PRDM16: variants seen among roughly 807,000 people sequenced by gnomAD.
The protein encoded by PRDM16 is PR/SET domain 16.
A neutral mutation model predicts 110.6 loss-of-function variants in PRDM16; 23 were observed. The observed-to-expected ratio is 0.21, with a 90% CI of 0.15 to 0.29. PRDM16 has a LOEUF of 0.29. Among genes scored for constraint, PRDM16 ranks in the 10% least tolerant of loss-of-function variants. The pLI, the probability that PRDM16 is intolerant of heterozygous loss-of-function variation, is 1.00. For missense variants in PRDM16, 1,615 were observed against 1,794.3 expected (o/e 0.90, Z 1.81); for synonymous variants, 799 against 781.8 (o/e 1.02, Z -0.37).
At chr1:3,408,477 C>CGTGTGAGA (rs1643598195) in intron 8 of PRDM16, among the ~76,000 whole-genome samples, 1 of 152,068 alleles carries the variant, frequency 6.6e-6, no homozygotes. Flanking sequence ...TAAGTATGCA[C>CGTGTGAGA]GTGTGAGAGT....
At chr1:3,383,174 C>T (rs551629539) in intron 3 of PRDM16, among the ~76,000 whole-genome samples, 16 of 152,342 alleles carry the variant, frequency 1.1e-4, no homozygotes, top group Admixed American at 7.2e-4. Flanking sequence ...GGGAGCATTT[C>T]TGCCGCTGCC....
At position 3,081,423 on chromosome 1, in the gene PRDM16, G is replaced by A. The variant is rs1032082957; in HGVS notation, c.37+12127G>A. 2.6e-5 allele frequency among the ~76,000 whole-genome samples: 4 copies of A among 152,180 alleles called. No individual in the cohort carries two copies. The highest frequency in any genetic ancestry group is 5.9e-5 in the Non-Finnish European group (4 of 68,028). ...CCCATTCCTGCAGCCTGGCCCGGCC[G>A]GCCCCTGGAGAGCCCCCTCCTTGTC... On this transcript the variant is annotated intron_variant, in intron 1 of 16. Transcript: ENST00000270722. The surrounding 1 kb of genome is among the most constrained non-coding windows in gnomAD (Gnocchi z 4.6).
At chr1:3,136,681 C>T (rs1056675068) in intron 1 of PRDM16, among the ~76,000 whole-genome samples, 4 of 152,104 alleles carry the variant, frequency 2.6e-5, no homozygotes, top group Admixed American at 1.3e-4. Flanking sequence ...GTGGGCTTAT[C>T]AGGCATCTCC....
At chr1:3,387,768 C>T (rs558734884) in intron 4 of PRDM16, among the ~76,000 whole-genome samples, 1 of 152,364 alleles carries the variant, frequency 6.6e-6, no homozygotes. Context: ...TTTCAGTTAT[C>T]AAACGAAAAT....
chr1:3,082,473 T>A (rs1363025625), intron 1 of PRDM16, among the ~76,000 whole-genome samples: 1 of 152,162 alleles, frequency 6.6e-6, no homozygotes, highest in African/African-American at 2.4e-5. Context: ...TGGGGACCAT[T>A]CCCAAGGAGC....
chr1:3,409,990 G>T (rs1173890953), intron 8 of PRDM16, among the ~76,000 whole-genome samples: 4 of 107,700 alleles, frequency 3.7e-5, no homozygotes, highest in Admixed American at 9.6e-5. Flanking sequence ...TGCATGGGGG[G>T]GTGTGGGGGG....
chr1:3,342,737 G>A (rs1010459807), intron 3 of PRDM16, among the ~76,000 whole-genome samples: 8 of 152,172 alleles, frequency 5.3e-5, no homozygotes, highest in Non-Finnish European at 8.8e-5. Flanking sequence ...AGACATCCAC[G>A]CATAAGGCAC....
At chr1:3,163,767 T>C (rs889920879) in intron 1 of PRDM16, among the ~76,000 whole-genome samples, 3 of 152,200 alleles carry the variant, frequency 2.0e-5, no homozygotes, top group Non-Finnish European at 4.4e-5. Context: ...TGTCATATTC[T>C]ACCCCGTGCG....
At chr1:3,257,817 T>C (rs1640084146) in intron 3 of PRDM16, among the ~76,000 whole-genome samples, 1 of 152,194 alleles carries the variant, frequency 6.6e-6, no homozygotes, top group African/African-American at 2.4e-5. Context: ...GGAGGGCTGA[T>C]TCACTGTGAT....
At chr1:3,298,645 G>T (rs1466285348) in intron 3 of PRDM16, among the ~76,000 whole-genome samples, 1 of 152,124 alleles carries the variant, frequency 6.6e-6, no homozygotes, top group East Asian at 1.9e-4. Flanking sequence ...TAGCTAAAGA[G>T]ACTCTCCTGC....
Position 3,412,074 on chromosome 1 carries a change from A to T in PRDM16, c.1877A>T (p.Asp626Val), listed in dbSNP as rs876657958. 6.2e-6 allele frequency: 10 copies of T among 1,601,522 alleles called. No individual in the cohort carries two copies. Among genetic ancestry groups the T allele is most frequent in the Non-Finnish European group, 8.5e-6 (10 of 1,172,316 alleles). ...ACCACGGGGACGGGCTCGGACCTGG[A>T]CAGCGACGTGGACAGCGACCCTGAC... is the stretch of plus-strand genomic sequence containing the variant. Reference protein sequence around the residue: ...DTTTGTGSDLDSDVDSDPDKD... With the variant: ...DTTTGTGSDLVSDVDSDPDKD... The change falls in exon 9 of 17, where the codon GAC (aspartate) becomes GTC (valine). Residue 626 changes from aspartate to valine, a missense_variant. Transcript: ENST00000270722.
chr1:3,118,498 G>A (rs1643019874), intron 1 of PRDM16, among the ~76,000 whole-genome samples: 1 of 152,288 alleles, frequency 6.6e-6, no homozygotes, highest in South Asian at 2.1e-4. Context: ...GGGTAGTGTG[G>A]CCAGGGGCCT....
At chr1:3,146,347 G>A (rs185272052) in intron 1 of PRDM16, among the ~76,000 whole-genome samples, 197 of 152,366 alleles carry the variant, frequency 1.3e-3, no homozygotes, top group African/African-American at 3.8e-3. Context: ...CATATAAACC[G>A]TTCACAAATC....
chr1:3,188,502 A>T (rs190417453), intron 2 of PRDM16, among the ~76,000 whole-genome samples: 7 of 152,174 alleles, frequency 4.6e-5, no homozygotes, highest in Admixed American at 2.0e-4. Context: ...TACGTGAGGG[A>T]ACGCGCTCTC....
At chr1:3,152,304 T>TCATCCATC (rs140476841) in intron 1 of PRDM16, among the ~76,000 whole-genome samples, 10 of 151,690 alleles carry the variant, frequency 6.6e-5, no homozygotes, top group Admixed American at 2.6e-4. Flanking sequence ...ATCCCTCCTT[T>TCATCCATC]CATCCATCCA....
intron 1 of PRDM16, among the ~76,000 whole-genome samples, chr1:3,102,906 C>T (rs1642565245): frequency 6.6e-6 from 1 of 152,210 alleles, no homozygotes; most frequent in African/African-American, 2.4e-5. Context: ...GTAGCCCAAC[C>T]TCAGGGTCAC....
At chr1:3,181,953 C>G (rs926519814) in intron 1 of PRDM16, among the ~76,000 whole-genome samples, 2 of 152,124 alleles carry the variant, frequency 1.3e-5, no homozygotes, top group African/African-American at 4.8e-5. Context: ...CACACACAGT[C>G]TTACACATGC....
At chr1:3,310,588 C>T (rs1051159928) in intron 3 of PRDM16, among the ~76,000 whole-genome samples, 10 of 152,212 alleles carry the variant, frequency 6.6e-5, no homozygotes, top group African/African-American at 1.4e-4. Flanking sequence ...TTGACCGAGC[C>T]GGGTTACTTG....
At chr1:3,121,123 G>C (rs570781803) in intron 1 of PRDM16, among the ~76,000 whole-genome samples, 1 of 152,188 alleles carries the variant, frequency 6.6e-6, no homozygotes, top group South Asian at 2.1e-4. Flanking sequence ...AGTCAGCGGA[G>C]GCTGAGGCCA....
Sources: gnomAD v4.1 joint callset for allele counts (sites outside exome capture counted in the v4.1 genomes callset) on GRCh38, gnomAD v4.1.1 for gene constraint, Gnocchi (gnomAD v3.1) non-coding constraint, MANE v1.5 for transcripts, NCBI Gene and HGNC (gene_info 2026-07-23, HGNC 2026-07-21) for gene names.